CCNE2: variants seen among roughly 807,000 people sequenced by gnomAD.
CCNE2 encodes the protein cyclin E2, also known as G1/S-specific cyclin-E2.
A neutral mutation model predicts 56.8 loss-of-function variants in CCNE2; 18 were observed. That is an observed-to-expected ratio of 0.32 (90% CI 0.22 to 0.47). CCNE2 has a LOEUF of 0.47. Among genes scored for constraint, CCNE2 ranks in the 20% least tolerant of loss-of-function variants. CCNE2 has a pLI of 1.00. For missense variants in CCNE2, 371 were observed against 467.1 expected (o/e 0.79, Z 1.90); for synonymous variants, 139 against 149.2 (o/e 0.93, Z 0.50).
chr8:94,893,049 C>CTAA, intron 4 of CCNE2, 80 bp from the exon 5 acceptor site: 1 of 1,081,502 alleles, frequency 9.2e-7, no homozygotes, highest in Non-Finnish European at 1.3e-6. Flanking sequence ...TAAATGAAAG[C>CTAA]TAATATGTCT....
chr8:94,890,901 A>G (rs1586555297), intron 5 of CCNE2, among the ~76,000 whole-genome samples: 1 of 152,256 alleles, frequency 6.6e-6, no homozygotes, highest in East Asian at 1.9e-4. Flanking sequence ...GCTAAAAAAC[A>G]TAATTTAAAT....
chr8:94,896,235 A>G (rs1398814527), upstream of CCNE2, among the ~76,000 whole-genome samples: 2 of 148,094 alleles, frequency 1.4e-5, no homozygotes, highest in Non-Finnish European at 3.0e-5. Flanking sequence ...GATCGCCACC[A>G]CGTGCAGGCC....
chr8:94,882,466 T>C (rs2131096416), intron 10 of CCNE2, among the ~76,000 whole-genome samples, 177 bp from the exon 11 acceptor site: 1 of 152,368 alleles, frequency 6.6e-6, no homozygotes, highest in South Asian at 2.1e-4. Context: ...ATGACTATGT[T>C]GAAGGGAAAA....
rs1816769573 is a variant in CCNE2 at position 94,880,554 on chromosome 8, C to G, written c.*1078G>C. 1 of 313,576 alleles carries G rather than the reference C, an allele frequency of 3.2e-6. No individual in the cohort carries two copies. Among genetic ancestry groups the G allele is most frequent in the Non-Finnish European group, 5.7e-6 (1 of 175,540 alleles). 19.4% of individuals were successfully genotyped at this position (313,576 alleles called of 1,614,324 possible). Reference sequence around the variant, plus strand: ...ATTTAAAATATTTAGAAATAGCTAGCCTATGTACAGCAAGTTTTCATGTCT... The same window carrying G: ...ATTTAAAATATTTAGAAATAGCTAGGCTATGTACAGCAAGTTTTCATGTCT... On this transcript the variant is annotated 3_prime_UTR_variant, in exon 12 of 12. Coordinates refer to ENST00000308108, the MANE Select transcript of CCNE2 (RefSeq NM_057749.3).
intron 9 of CCNE2, among the ~76,000 whole-genome samples, chr8:94,884,235 TC>T (rs1163545506): frequency 6.6e-6 from 1 of 152,096 alleles, no homozygotes; most frequent in Non-Finnish European, 1.5e-5. Flanking sequence ...GATTTTCACA[TC>T]CCACATAGAA....
At chr8:94,895,295 C>G (rs1320943463), upstream of CCNE2, 2 of 977,396 alleles carry the variant, frequency 2.0e-6, no homozygotes, top group Non-Finnish European at 2.4e-6. Flanking sequence ...GCGCGCTCCC[C>G]TCTCCCGCCC....
chr8:94,889,861 T>C (rs1817165927), intron 6 of CCNE2, among the ~76,000 whole-genome samples: 1 of 152,158 alleles, frequency 6.6e-6, no homozygotes. Flanking sequence ...CACAAATCTA[T>C]AGGGGCTTCA....
chr8:94,891,659 C>CAA (rs34021439), intron 5 of CCNE2: 12,950 of 256,550 alleles, frequency 0.05, 68 homozygotes, highest in African/African-American at 0.061. Context: ...CCTCTGTCTC[C>CAA]AAAAAAAAAA....
chr8:94,881,733 A>G lies in CCNE2; in HGVS notation c.1114T>C (p.Tyr372His). The change falls in exon 12 of 12, where the codon TAC (tyrosine) becomes CAC (histidine). Residue 372 changes from tyrosine (Y) to histidine (H), a missense_variant. Transcript: ENST00000308108. ...NYLAMLEEVN[Y>H]INTFRKGGQL... ...CCCCCTTTTCTGAAGGTGTTTATGTAATTTACTTCCTCCTATACATGGGAA... is the reference window on the plus strand; with the variant it reads ...CCCCCTTTTCTGAAGGTGTTTATGTGATTTACTTCCTCCTATACATGGGAA... 1 of 1,613,798 alleles carries G rather than the reference A, an allele frequency of 6.2e-7. No individual in the cohort carries two copies. The highest frequency in any genetic ancestry group is 1.7e-5 in the Admixed American group (1 of 60,012).
intron 6 of CCNE2, 47 bp from the exon 7 acceptor site, chr8:94,888,120 A>G: frequency 2.2e-6 from 3 of 1,371,106 alleles, no homozygotes; most frequent in Non-Finnish European, 3.0e-6. Flanking sequence ...GAATTTCTCC[A>G]AATTAGAAAG....
At position 94,888,034 on chromosome 8, in the gene CCNE2, G is replaced by C. The variant is rs776713894; in HGVS notation, c.493C>G (p.Leu165Val). The change falls in exon 7 of 12, where the codon CTT becomes GTT. Residue 165 changes from leucine (L) to valine (V), a missense_variant. Coordinates refer to ENST00000308108, the MANE Select transcript of CCNE2 (RefSeq NM_057749.3). ...AATCTATCAAAAAAGTCTTGTGCAA[G>C]ATAAAATGTTTCCCTATGAAGTGTG... ...VYTLHRETFY[L>V]AQDFFDRFML... is the part of the protein sequence containing the mutation. 6.3e-7 allele frequency: 1 copy of C among 1,590,960 alleles called. No individual in the cohort carries two copies. Among genetic ancestry groups the C allele is most frequent in the South Asian group, 1.1e-5 (1 of 87,018 alleles).
At chr8:94,889,096 T>C (rs969795211) in intron 6 of CCNE2, among the ~76,000 whole-genome samples, 2 of 150,652 alleles carry the variant, frequency 1.3e-5, no homozygotes, top group African/African-American at 4.9e-5. Context: ...TGCAGTGAGC[T>C]GAGATCGTGC....
chr8:94,882,944 A>C, intron 9 of CCNE2, 52 bp from the exon 10 acceptor site: 1 of 1,197,812 alleles, frequency 8.3e-7, no homozygotes, highest in Non-Finnish European at 1.2e-6. Flanking sequence ...TGAGTACTAA[A>C]TGTCTCTTGC....
rs1290787877 is a variant in CCNE2, at chr8:94,882,782, T to G, written c.942A>C (p.Ser314=). ...AAGACAACAAATAGAGAGTCTTACC[T>G]GAGGCTTTCTTAACCACTTCAATGG... is the stretch of plus-strand genomic sequence containing the variant. ...FTSIEVVKKA[S]GLEWDSISEC... Residue 314 remains serine, a splice_region_variant and synonymous_variant, in exon 10 of 12, where the codon TCA becomes TCC. Coordinates refer to ENST00000308108, the MANE Select transcript of CCNE2 (RefSeq NM_057749.3). The G allele has an allele frequency of 1.2e-6, 2 of 1,605,088 alleles. No individual in the cohort carries two copies. The highest frequency in any genetic ancestry group is 1.7e-6 in the Non-Finnish European group (2 of 1,171,980).
intron 6 of CCNE2, among the ~76,000 whole-genome samples, chr8:94,889,053 CAA>C (rs1481266530): frequency 4.0e-5 from 6 of 151,436 alleles, no homozygotes; most frequent in African/African-American, 7.3e-5. Flanking sequence ...GTGGCTGAGA[CAA>C]GAGAGTCGCT....
At chr8:94,888,692 T>A (rs1268767628) in intron 6 of CCNE2, among the ~76,000 whole-genome samples, 1 of 152,028 alleles carries the variant, frequency 6.6e-6, no homozygotes, top group Admixed American at 6.6e-5. Flanking sequence ...GCCCAGCTAA[T>A]TTTTTGTATT....
upstream of CCNE2, among the ~76,000 whole-genome samples, chr8:94,896,159 C>G (rs1468596475): frequency 2.6e-5 from 4 of 152,086 alleles, no homozygotes; most frequent in Middle Eastern, 3.4e-3. Flanking sequence ...GAGCGGGGCC[C>G]GGGAACGGCA....
At position 94,885,106 on chromosome 8, in the gene CCNE2, T is replaced by C. The variant is rs776980845; in HGVS notation, c.792A>G (p.Leu264=). 1 of 1,613,336 alleles carries C rather than the reference T, an allele frequency of 6.2e-7. No individual in the cohort carries two copies. The highest frequency in any genetic ancestry group is 8.5e-7 in the Non-Finnish European group (1 of 1,179,404). ...TGAATGTTTCCTGAGAATACTGAGG[T>C]AGAAGAACTTTAGGAGCATCTTTAA... ...DALKDAPKVL[L]PQYSQETFIQ... Residue 264 remains leucine, a synonymous_variant, in exon 9 of 12, where the codon CTA becomes CTG. Coordinates refer to ENST00000308108, the MANE Select transcript of CCNE2 (RefSeq NM_057749.3).
rs1816763304 is a variant in CCNE2, at chr8:94,880,418, G to C, written c.*1214C>G. 1 of 380,258 alleles carries C rather than the reference G, an allele frequency of 2.6e-6. No homozygotes were observed. Among genetic ancestry groups the C allele is most frequent in the South Asian group, 7.6e-5 (1 of 13,072 alleles). 23.6% of individuals were successfully genotyped at this position (380,258 alleles called of 1,614,324 possible). ...AAGACTTCATACCGTAACAATAAAT[G>C]TATAGTTTCTTCAAAGGGAGAAGAG... On this transcript the variant is annotated 3_prime_UTR_variant, in exon 12 of 12. Transcript: ENST00000308108.
Sources: allele counts gnomAD v4.1 joint callset (sites outside exome capture counted in the v4.1 genomes callset), GRCh38; gene constraint gnomAD v4.1.1; transcripts MANE v1.5; gene names NCBI Gene and HGNC (gene_info 2026-07-23, HGNC 2026-07-21).